RBFOX1: variants seen among roughly 807,000 people sequenced by gnomAD.
RBFOX1 encodes the protein RNA binding protein fox-1 homolog 1.
A neutral mutation model predicts 57.7 loss-of-function variants in RBFOX1; 8 were observed. The ratio of observed to expected loss-of-function variants is 0.14; its 90% CI spans 0.08 to 0.25. RBFOX1 has a LOEUF of 0.25. Ranked by LOEUF, RBFOX1 falls within the 10% of genes least tolerant of loss-of-function variation. The pLI is 1.00. For missense variants in RBFOX1, 611 were observed against 548.5 expected, an observed-to-expected ratio of 1.11 and a Z score of -1.14; for synonymous variants, 326 against 222.4, an observed-to-expected ratio of 1.47 and a Z score of -4.15.
chr16:7,609,827 GTTTGTTT>G (rs1371371030), intron 10 of RBFOX1, among the ~76,000 whole-genome samples: 4 of 151,278 alleles, frequency 2.6e-5, no homozygotes, highest in Non-Finnish European at 4.4e-5. Context: ...TTGTTTGTTT[GTTTGTTT>G]TGAGATGGAG....
intron 4 of RBFOX1, among the ~76,000 whole-genome samples, chr16:5,902,925 T>C (rs1445018281): frequency 2.0e-5 from 3 of 152,144 alleles, no homozygotes; most frequent in East Asian, 1.9e-4. Context: ...GAAGTGACCA[T>C]GTGCTAACCT....
intron 2 of RBFOX1, among the ~76,000 whole-genome samples, chr16:6,385,240 C>T (rs1233046597): frequency 6.6e-6 from 1 of 152,206 alleles, no homozygotes; most frequent in Non-Finnish European, 1.5e-5. Context: ...CAGGAACAGG[C>T]AGTATGCATA....
intron 4 of RBFOX1, among the ~76,000 whole-genome samples, chr16:7,466,226 A>G (rs144320616): frequency 5.4e-3 from 829 of 152,366 alleles, no homozygotes; most frequent in Non-Finnish European, 8.8e-3. Context: ...TAGAACAACA[A>G]TCCTTACAGC....
At chr16:6,483,277 C>T (rs2095403968) in intron 2 of RBFOX1, 6 of 1,337,878 alleles carry the variant, frequency 4.5e-6, no homozygotes, top group Admixed American at 3.7e-5. Flanking sequence ...TGTTGATTGC[C>T]TCCTTGCACG....
intron 3 of RBFOX1, among the ~76,000 whole-genome samples, chr16:6,719,565 G>C (rs10400992): frequency 0.66 from 98,991 of 151,060 alleles, 33,062 homozygotes; most frequent in Middle Eastern, 0.77. Flanking sequence ...CTCAGCCTCT[G>C]GAGTAGCTGG....
intron 3 of RBFOX1, among the ~76,000 whole-genome samples, chr16:7,047,780 A>T (rs529835729): frequency 1.9e-5 from 2 of 103,658 alleles, no homozygotes; most frequent in Admixed American, 1.1e-4. Flanking sequence ...GTTGTTTAGA[A>T]TGGATACTTT....
intron 4 of RBFOX1, among the ~76,000 whole-genome samples, chr16:7,225,905 A>AATAAATAAAT (rs66510060): frequency 0.44 from 40,971 of 93,626 alleles, 8,281 homozygotes; most frequent in East Asian, 0.75. Flanking sequence ...AAGTATAATA[A>AATAAATAAAT]ATATATATAT....
chr16:7,006,329 A>T (rs79784206), intron 3 of RBFOX1, among the ~76,000 whole-genome samples: 7,157 of 151,820 alleles, frequency 0.047, 507 homozygotes, highest in African/African-American at 0.16. Context: ...TAATTTTTGT[A>T]TTTTTAGTAG....
intron 3 of RBFOX1, among the ~76,000 whole-genome samples, chr16:6,859,164 CGTATATATATGTATATATATGTATAT>C (rs2058523530): frequency 2.5e-5 from 2 of 81,146 alleles, no homozygotes; most frequent in African/African-American, 7.3e-5. Context: ...TATATATATA[CGTATATATATGTATATATATGTATAT>C]ATATATGTAT....
intron 1 of RBFOX1, among the ~76,000 whole-genome samples, chr16:5,295,325 C>T (rs1294798543): frequency 2.0e-5 from 3 of 152,186 alleles, no homozygotes; most frequent in African/African-American, 7.2e-5. Flanking sequence ...TGATGTAAGA[C>T]AGTTTTTATA....
At chr16:6,736,630 G>T (rs1048789920) in intron 3 of RBFOX1, among the ~76,000 whole-genome samples, 1 of 152,192 alleles carries the variant, frequency 6.6e-6, no homozygotes, top group African/African-American at 2.4e-5. Context: ...GCATGTGCAA[G>T]TATCTTTTTC....
rs2154071786 is a variant in RBFOX1 at position 6,640,205 on chromosome 16, T to A, written c.-63-14398T>A. Among the ~76,000 whole-genome samples, 2 of 152,288 alleles carry A rather than the reference T, an allele frequency of 1.3e-5. 1 individual carries two copies. Among genetic ancestry groups the A allele is most frequent in the South Asian group, 4.1e-4 (2 of 4,822 alleles). ...TTGAATTTTCTCTCAAATATTATGG[T>A]GAATTATTTTATTATCTTAGTGTTT... On this transcript the variant is annotated intron_variant, in intron 2 of 15. Transcript: ENST00000550418.
chr16:5,788,153 A>G (rs1327322437), intron 3 of RBFOX1, among the ~76,000 whole-genome samples: 1 of 152,168 alleles, frequency 6.6e-6, no homozygotes, highest in East Asian at 1.9e-4. Context: ...ACATCTGGCC[A>G]TGCTGGAGGT....
At chr16:7,368,230 G>C (rs1298242909) in intron 4 of RBFOX1, among the ~76,000 whole-genome samples, 1 of 149,320 alleles carries the variant, frequency 6.7e-6, no homozygotes, top group Non-Finnish European at 1.5e-5. Context: ...TCCTGCCACT[G>C]CACTCCATCC....
chr16:7,587,098 T>C (rs2094168945), intron 6 of RBFOX1, 149 bp from the exon 7 acceptor site: 2 of 1,040,922 alleles, frequency 1.9e-6, no homozygotes, highest in Non-Finnish European at 2.5e-6. Context: ...TATTTTCTCT[T>C]GTTTCAAGCA....
At chr16:7,229,967 GGAGA>G (rs2093399059) in intron 4 of RBFOX1, among the ~76,000 whole-genome samples, 1 of 91,414 alleles carries the variant, frequency 1.1e-5, no homozygotes, top group Admixed American at 9.9e-5. Flanking sequence ...AGGGAGGAAG[GGAGA>G]GAGAGGGAGG....
intron 3 of RBFOX1, among the ~76,000 whole-genome samples, chr16:6,726,256 G>C (rs2067142950): frequency 6.6e-6 from 1 of 151,974 alleles, no homozygotes; most frequent in Non-Finnish European, 1.5e-5. Context: ...GGAAATTTTT[G>C]AATTCATTGT....
chr16:6,516,945 C>G (rs1351038550), intron 2 of RBFOX1, among the ~76,000 whole-genome samples: 3 of 152,170 alleles, frequency 2.0e-5, no homozygotes, highest in African/African-American at 4.8e-5. Flanking sequence ...CTTTCCTCCA[C>G]AAATATGCTC....
chr16:7,053,288 C>G (rs983234706), intron 4 of RBFOX1, among the ~76,000 whole-genome samples: 6 of 152,158 alleles, frequency 3.9e-5, no homozygotes, highest in African/African-American at 7.2e-5. Flanking sequence ...CAGTATGGCC[C>G]TCTCTACCCA....
Sources: allele counts gnomAD v4.1 joint callset (sites outside exome capture counted in the v4.1 genomes callset), GRCh38; gene constraint gnomAD v4.1.1; transcripts MANE v1.5; gene names NCBI Gene and HGNC (gene_info 2026-07-23, HGNC 2026-07-21).